DYNC1H1: variants seen among roughly 807,000 people sequenced by gnomAD.
DYNC1H1 encodes the protein cytoplasmic dynein 1 heavy chain 1.
Under a neutral mutation model 527.1 loss-of-function variants are expected in DYNC1H1, and 51 were observed. The observed-to-expected ratio is 0.10, with a 90% CI of 0.08 to 0.12. The LOEUF is 0.12. DYNC1H1 is among the 10% of genes least tolerant of loss of function. The pLI is 1.00. For synonymous variants in DYNC1H1, 2,189 were observed against 2,278.8 expected (o/e 0.96, Z 1.12); for missense variants, 2,771 against 5,971.8 (o/e 0.46, Z 17.66).
rs1333461250 is a variant in DYNC1H1 at position 102,042,742 on chromosome 14, A to T, written c.12507A>T (p.Ile4169=). The change falls in exon 69 of 78, where the codon ATA becomes ATT. Residue 4169 remains isoleucine, a synonymous_variant. Coordinates refer to ENST00000360184, the MANE Select transcript of DYNC1H1 (RefSeq NM_001376.5). This position sits in a 1 kb window ranked among gnomAD's most constrained non-coding sequence, Gnocchi z 5.7. ...RTFSSIPVSR[I]CKSPNERARL... ...TCAGCAGCATTCCCGTCTCACGGAT[A>T]TGCAAGGTAAGTACCTTGTCCTCCT... 1.9e-6 allele frequency: 3 copies of T among 1,614,144 alleles called. No homozygotes were observed. Among genetic ancestry groups the T allele is most frequent in the Admixed American group, 3.3e-5 (2 of 60,018 alleles).
In DYNC1H1 at chr14:102,001,818, C is replaced by A; in HGVS notation, c.4542+137C>A. 8.0e-7 allele frequency: 1 copy of A among 1,250,054 alleles called. No individual in the cohort carries two copies. Among genetic ancestry groups the A allele is most frequent in the Non-Finnish European group, 1.1e-6 (1 of 889,004 alleles). The allele number at this position is 1,250,054 out of a possible 1,614,324, so 77.4% of individuals were successfully genotyped here. ...ACAGGGTCTCACTCTGTCTCCCACG[C>A]TGGAGTGCAGTGGCACCATCACAGC... is the stretch of plus-strand genomic sequence containing the variant. On this transcript the variant is annotated intron_variant, in intron 21 of 77. Coordinates refer to ENST00000360184, the MANE Select transcript of DYNC1H1 (RefSeq NM_001376.5). This position sits in a 1 kb window ranked among gnomAD's most constrained non-coding sequence, Gnocchi z 5.0.
rs756486035 is a variant in DYNC1H1 at position 102,036,151 on chromosome 14, G to T, written c.10755-338G>T. 6.0e-5 allele frequency: 19 copies of T among 315,096 alleles called. No individual in the cohort carries two copies. Among genetic ancestry groups the T allele is most frequent in the Admixed American group, 1.4e-4 (3 of 22,208 alleles). 19.5% of individuals were successfully genotyped at this position (315,096 alleles called of 1,614,324 possible). A position where few individuals can be genotyped will look rare whatever the true frequency, so the allele number is the denominator to read the frequency against. On this transcript the variant is annotated intron_variant, in intron 56 of 77. Transcript: ENST00000360184. This position sits in a 1 kb window ranked among gnomAD's most constrained non-coding sequence, Gnocchi z 5.6. ...GCTGCGACATCATTGATGTTGATACGTGCTGTCTAGAAGGATCGTAAACAT... is the reference window on the plus strand; with the variant it reads ...GCTGCGACATCATTGATGTTGATACTTGCTGTCTAGAAGGATCGTAAACAT...
Position 102,029,441 on chromosome 14 carries a change from C to A in DYNC1H1, c.9469-98C>A. On this transcript the variant is annotated intron_variant, in intron 48 of 77. Transcript: ENST00000360184. The surrounding 1 kb of genome is among the most constrained non-coding windows in gnomAD (Gnocchi z 5.3). ...TCTGGCCCCGAGGGCCAGGCTCCTT[C>A]TATCATGTCACACCCATCTGCCAAG... 6.5e-7 allele frequency: 1 copy of A among 1,538,106 alleles called. No homozygotes were observed. Among genetic ancestry groups the A allele is most frequent in the Non-Finnish European group, 8.9e-7 (1 of 1,122,890 alleles).
At chr14:102,021,857 C>T (rs1168785577) in intron 42 of DYNC1H1, among the ~76,000 whole-genome samples, 2 of 151,914 alleles carry the variant, frequency 1.3e-5, no homozygotes, top group African/African-American at 4.8e-5. Context: ...GACAGGGTTT[C>T]ACCACATTGG....
chr14:102,005,691 T>C lies in DYNC1H1; in HGVS notation c.5434-197T>C, dbSNP rs1369838377. Among the ~76,000 whole-genome samples the C allele has an allele frequency of 2.0e-5, 3 of 152,252 alleles. No individual in the cohort carries two copies. The highest frequency in any genetic ancestry group is 4.4e-5 in the Non-Finnish European group (3 of 68,050). On this transcript the variant is annotated intron_variant, in intron 26 of 77. Coordinates refer to ENST00000360184, the MANE Select transcript of DYNC1H1 (RefSeq NM_001376.5). This position sits in a 1 kb window ranked among gnomAD's most constrained non-coding sequence, Gnocchi z 4.0. Reference sequence around the variant, plus strand: ...TCTGTTTCTTTGTTTTTGCTGCAGCTCTGGGTTCTGTGTAATACCATCTCA... The same window carrying C: ...TCTGTTTCTTTGTTTTTGCTGCAGCCCTGGGTTCTGTGTAATACCATCTCA...
chr14:101,971,255 G>C (rs1267409749), intron 1 of DYNC1H1, among the ~76,000 whole-genome samples: 2 of 151,568 alleles, frequency 1.3e-5, no homozygotes, highest in African/African-American at 4.8e-5. Context: ...TGTATTTTTT[G>C]TAGAGATTGG....
chr14:101,970,377 G>A (rs2047718974), intron 1 of DYNC1H1, among the ~76,000 whole-genome samples: 1 of 151,418 alleles, frequency 6.6e-6, no homozygotes, highest in Non-Finnish European at 1.5e-5. Context: ...ACAAGAAAGG[G>A]GAAAACTAAA....
intron 5 of DYNC1H1, among the ~76,000 whole-genome samples, chr14:101,982,444 T>G (rs1425662549): frequency 6.6e-6 from 1 of 151,762 alleles, no homozygotes; most frequent in African/African-American, 2.4e-5. Context: ...TACAAAAAAT[T>G]AGCCGGGCGT....
chr14:102,023,155 C>T (rs2048406542), intron 43 of DYNC1H1: 7 of 420,634 alleles, frequency 1.7e-5, no homozygotes, highest in Admixed American at 6.5e-5. Flanking sequence ...GTCCCAGCAA[C>T]TTGGGAGGCT....
Position 102,001,805 on chromosome 14 carries a change from T to C in DYNC1H1, c.4542+124T>C. On this transcript the variant is annotated intron_variant, in intron 21 of 77. Transcript: ENST00000360184. The surrounding 1 kb of genome is among the most constrained non-coding windows in gnomAD (Gnocchi z 5.0). ...TGTATTTTTTGAGACAGGGTCTCAC[T>C]CTGTCTCCCACGCTGGAGTGCAGTG... The C allele has an allele frequency of 2.3e-6, 3 of 1,325,798 alleles. No homozygotes were observed. Among genetic ancestry groups the C allele is most frequent in the Non-Finnish European group, 3.2e-6 (3 of 946,478 alleles). The allele number at this position is 1,325,798 out of a possible 1,614,324, so 82.1% of individuals were successfully genotyped here.
chr14:102,026,097 G>C (rs1264624296), intron 43 of DYNC1H1, among the ~76,000 whole-genome samples: 1 of 149,508 alleles, frequency 6.7e-6, no homozygotes, highest in African/African-American at 2.5e-5. Context: ...CCTGGTGACA[G>C]AGCGAGGCTA....
rs771269792 is a variant in DYNC1H1, at chr14:102,019,950, A to C, written c.8401A>C (p.Arg2801=). 23 of 1,614,186 alleles carry C rather than the reference A, an allele frequency of 1.4e-5. No individual in the cohort carries two copies. The South Asian group carries it at 2.5e-4, about 18-fold the overall frequency. The part of the protein sequence containing the change: ...HYIYSPREMT[R]WVRGIFEALR... ...TATCTATTCACCCCGTGAAATGACT[A>C]GGTGGGTGAGAGGCATCTTTGAAGC... Residue 2801 remains arginine, a synonymous_variant, in exon 42 of 78, where the codon AGG becomes CGG. Transcript: ENST00000360184.
Position 102,002,424 on chromosome 14 carries a change from A to T in DYNC1H1, c.4543-113A>T. 6.9e-7 allele frequency: 1 copy of T among 1,441,280 alleles called. No homozygotes were observed. The highest frequency in any genetic ancestry group is 1.2e-5 in the South Asian group (1 of 86,472). The allele number at this position is 1,441,280 out of a possible 1,614,324, so 89.3% of individuals were successfully genotyped here. A position where few individuals can be genotyped will look rare whatever the true frequency, so the allele number is the denominator to read the frequency against. On this transcript the variant is annotated intron_variant, in intron 21 of 77. Coordinates refer to ENST00000360184, the MANE Select transcript of DYNC1H1 (RefSeq NM_001376.5). This position sits in a 1 kb window ranked among gnomAD's most constrained non-coding sequence, Gnocchi z 4.4. ...CCACACCCGTCTACTTGTTGTTTAA[A>T]ATGTGAATCAGATTACTTCATGAGA... is the stretch of plus-strand genomic sequence containing the variant.
rs1278154041 is a variant in DYNC1H1 at position 102,002,747 on chromosome 14, A to G, written c.4709+44A>G. 23 of 1,614,096 alleles carry G rather than the reference A, an allele frequency of 1.4e-5. No homozygotes were observed. Among genetic ancestry groups the G allele is most frequent in the Non-Finnish European group, 1.8e-5 (21 of 1,180,046 alleles). ...GAGCCAAATTTGCCAGCGGCTAGTGACTACTCTACACAAAGGCTGACGCAT... is the reference window on the plus strand; with the variant it reads ...GAGCCAAATTTGCCAGCGGCTAGTGGCTACTCTACACAAAGGCTGACGCAT... On this transcript the variant is annotated intron_variant, in intron 22 of 77. Transcript: ENST00000360184. This position sits in a 1 kb window ranked among gnomAD's most constrained non-coding sequence, Gnocchi z 4.4.
rs1399960566 is a variant in DYNC1H1, at chr14:102,039,818, C to CTTT, written c.11690+88_11690+90dup. 1.9e-5 allele frequency: 27 copies of CTTT among 1,411,550 alleles called. No homozygotes were observed. The highest frequency in any genetic ancestry group is 2.6e-5 in the Non-Finnish European group (26 of 1,018,796). The allele number at this position is 1,411,550 out of a possible 1,614,324, so 87.4% of individuals were successfully genotyped here. On this transcript the variant is annotated intron_variant, in intron 62 of 77. Coordinates refer to ENST00000360184, the MANE Select transcript of DYNC1H1 (RefSeq NM_001376.5). The surrounding 1 kb of genome is among the most constrained non-coding windows in gnomAD (Gnocchi z 7.0). ...GATCAGATACATGCTTTTATTATTT[C>CTTT]TTTTATTTTCTCTTTTATTTTCTTT... is the stretch of plus-strand genomic sequence containing the variant.
In DYNC1H1 at chr14:102,049,489, C is replaced by G. The variant is rs765088845; in HGVS notation, c.13422C>G (p.Thr4474=). The change falls in exon 75 of 78, where the codon ACC becomes ACG. Residue 4474 remains threonine (T), a synonymous_variant. Coordinates refer to ENST00000360184, the MANE Select transcript of DYNC1H1 (RefSeq NM_001376.5). The surrounding 1 kb of genome is among the most constrained non-coding windows in gnomAD (Gnocchi z 5.5). The part of the protein sequence containing the change: ...WSHYTVPAGM[T]VIQWVSDFSE... ...ACTACACGGTGCCTGCCGGCATGACCGTCATCCAGTGGGTGTCCGACTTCA... is the reference window on the plus strand; with the variant it reads ...ACTACACGGTGCCTGCCGGCATGACGGTCATCCAGTGGGTGTCCGACTTCA... 7 of 1,614,196 alleles carry G rather than the reference C, an allele frequency of 4.3e-6. No homozygotes were observed. The highest frequency in any genetic ancestry group is 5.9e-6 in the Non-Finnish European group (7 of 1,180,046).
Position 102,027,035 on chromosome 14 carries a change from A to C in DYNC1H1, c.8772-139A>C. On this transcript the variant is annotated intron_variant, in intron 44 of 77. Coordinates refer to ENST00000360184, the MANE Select transcript of DYNC1H1 (RefSeq NM_001376.5). This position sits in a 1 kb window ranked among gnomAD's most constrained non-coding sequence, Gnocchi z 7.7. ...CTTTGCATTCCTCCTGGACTTCACAAATAACAGTTGCTCAGCAAATGTTTA... is the reference window on the plus strand; with the variant it reads ...CTTTGCATTCCTCCTGGACTTCACACATAACAGTTGCTCAGCAAATGTTTA... 2.8e-6 allele frequency: 3 copies of C among 1,063,230 alleles called. No homozygotes were observed. Among genetic ancestry groups the C allele is most frequent in the South Asian group, 2.5e-5 (2 of 79,126 alleles). 65.9% of individuals were successfully genotyped at this position (1,063,230 alleles called of 1,614,324 possible). A position where few individuals can be genotyped will look rare whatever the true frequency, so the allele number is the denominator to read the frequency against.
chr14:102,004,962 T>C lies in DYNC1H1; in HGVS notation c.5238+12T>C. 6.2e-7 allele frequency: 1 copy of C among 1,614,212 alleles called. No individual in the cohort carries two copies. The highest frequency in any genetic ancestry group is 8.5e-7 in the Non-Finnish European group (1 of 1,180,040). ...TTGATAAATACCAGGTAATCTATAG[T>C]AGAAGTGAGTGGGCTCGTGGTGAAA... On this transcript the variant is annotated intron_variant, in intron 25 of 77. Coordinates refer to ENST00000360184, the MANE Select transcript of DYNC1H1 (RefSeq NM_001376.5).
chr14:101,975,717 G>A lies in DYNC1H1; in HGVS notation c.262G>A (p.Val88Ile), dbSNP rs988847052. 3.1e-6 allele frequency: 5 copies of A among 1,612,360 alleles called. No homozygotes were observed. Among genetic ancestry groups the A allele is most frequent in the Non-Finnish European group, 4.2e-6 (5 of 1,178,668 alleles). ...LVERSTLKED[V>I]GDEGEEEKEF... is the part of the protein sequence containing the mutation. The stretch of plus-strand genomic sequence containing the variant: ...ATATTTATTATGATTTGTAGAGGAC[G>A]TCGGTGATGAAGGAGAAGAAGAAAA... Residue 88 changes from valine (V) to isoleucine (I), a missense_variant, in exon 2 of 78, where the codon GTC (valine) becomes ATC (isoleucine). Transcript: ENST00000360184.
Sources: gnomAD v4.1 joint callset for allele counts (sites outside exome capture counted in the v4.1 genomes callset) on GRCh38, gnomAD v4.1.1 for gene constraint, Gnocchi (gnomAD v3.1) non-coding constraint, MANE v1.5 for transcripts, NCBI Gene and HGNC (gene_info 2026-07-23, HGNC 2026-07-21) for gene names.